DCHS2: variants seen among roughly 807,000 people sequenced by gnomAD.
DCHS2 encodes the protein dachsous cadherin-related 2.
DCHS2 carries 142 observed loss-of-function variants against 182.4 expected under a neutral mutation model. The observed-to-expected ratio is 0.78, with a 90% CI of 0.68 to 0.89. DCHS2 has a LOEUF of 0.89. DCHS2 is among the 40% of genes least tolerant of loss of function. The pLI is 0.00. For missense variants in DCHS2, 4,319 were observed against 4,198.6 expected, an observed-to-expected ratio of 1.03 and a Z score of -0.79; for synonymous variants, 1,740 against 1,663.3, an observed-to-expected ratio of 1.05 and a Z score of -1.12.
At chr4:154,420,462 A>C (rs370749055) in intron 1 of DCHS2, among the ~76,000 whole-genome samples, 47 of 152,154 alleles carry the variant, frequency 3.1e-4, no homozygotes, top group African/African-American at 1.1e-3. Context: ...CAAAACCCTG[A>C]GAACCAGAGA....
Position 154,298,689 on chromosome 4 carries a change from G to A in DCHS2, c.5625C>T (p.Cys1875=), listed in dbSNP as rs769565276. The A allele has an allele frequency of 1.9e-5, 30 of 1,583,086 alleles. No homozygotes were observed. In the South Asian group the frequency reaches 3.1e-4, roughly 17 times the overall value. Residue 1875 remains cysteine (C), a synonymous_variant, in exon 13 of 20, where the codon TGC becomes TGT. Coordinates refer to ENST00000357232, the MANE Select transcript of DCHS2 (RefSeq NM_001358235.2). The part of the protein sequence containing the change: ...YHIIDGNTDE[C]FTINEMSGEL... ...CTCCTGACATCTCATTTATAGTAAA[G>A]CACTCATCAGTATTTCCATCTATTA...
intron 1 of DCHS2, among the ~76,000 whole-genome samples, chr4:154,430,499 G>A (rs964545968): frequency 6.6e-6 from 1 of 152,160 alleles, no homozygotes; most frequent in Admixed American, 6.5e-5. Context: ...GACCCCACAG[G>A]ATCCTCCCTG....
intron 1 of DCHS2, among the ~76,000 whole-genome samples, chr4:154,464,044 T>C (rs770308473): frequency 1.3e-5 from 2 of 152,168 alleles, no homozygotes; most frequent in Non-Finnish European, 2.9e-5. Context: ...TGGAAAATGA[T>C]TGAACGTCAG....
chr4:154,309,294 A>G (rs1735581235), intron 10 of DCHS2, among the ~76,000 whole-genome samples: 1 of 152,174 alleles, frequency 6.6e-6, no homozygotes, highest in African/African-American at 2.4e-5. Flanking sequence ...CCCATTGCCA[A>G]CTACCTCTCT....
chr4:154,429,177 A>G lies in DCHS2; in HGVS notation c.2053-51733T>C, dbSNP rs556878515. Among the ~76,000 whole-genome samples the G allele has an allele frequency of 5.3e-5, 8 of 152,226 alleles. No homozygotes were observed. In the East Asian group the frequency reaches 9.7e-4, roughly 18 times the overall value. ...TCTGGCTTATGCATACAGCTCTCCT[A>G]TTTGCTGGCATAGAATGTGAGTGCC... On this transcript the variant is annotated intron_variant, in intron 1 of 19. Transcript: ENST00000357232.
chr4:154,402,625 C>A (rs1732236646), intron 1 of DCHS2, among the ~76,000 whole-genome samples: 1 of 152,268 alleles, frequency 6.6e-6, no homozygotes, highest in African/African-American at 2.4e-5. Context: ...GAATGAGGAG[C>A]AAAGTCCCAT....
At chr4:154,359,564 A>C (rs141360089) in intron 3 of DCHS2, among the ~76,000 whole-genome samples, 1 of 151,964 alleles carries the variant, frequency 6.6e-6, no homozygotes, top group Non-Finnish European at 1.5e-5. Flanking sequence ...ACAGATACAA[A>C]CCAAAAGCTA....
chr4:154,253,628 T>TAAAC (rs1221018906), intron 16 of DCHS2, among the ~76,000 whole-genome samples: 1 of 152,198 alleles, frequency 6.6e-6, no homozygotes, highest in Non-Finnish European at 1.5e-5. Flanking sequence ...TTAATATATC[T>TAAAC]AAACAATAAG....
chr4:154,441,734 T>TG (rs34357200), intron 1 of DCHS2, among the ~76,000 whole-genome samples: 69,757 of 151,066 alleles, frequency 0.46, 16,531 homozygotes, highest in Middle Eastern at 0.69. Context: ...TTTATTAGGC[T>TG]TTTTTTTTAA....
At chr4:154,363,650 G>C (rs1162470614) in intron 3 of DCHS2, among the ~76,000 whole-genome samples, 1 of 152,132 alleles carries the variant, frequency 6.6e-6, no homozygotes, top group Non-Finnish European at 1.5e-5. Context: ...TAATAATAAT[G>C]TATTAATAAT....
chr4:154,318,507 A>G (rs1735940181), intron 9 of DCHS2, among the ~76,000 whole-genome samples: 1 of 152,070 alleles, frequency 6.6e-6, no homozygotes, highest in South Asian at 2.1e-4. Flanking sequence ...TAGAACAAAT[A>G]AATTCAGAAA....
At chr4:154,258,272 G>T (rs1732798920) in intron 15 of DCHS2, among the ~76,000 whole-genome samples, 1 of 150,054 alleles carries the variant, frequency 6.7e-6, no homozygotes, top group African/African-American at 2.4e-5. Flanking sequence ...GGGGCACAGA[G>T]CTAAAACTCC....
chr4:154,477,526 G>A lies in DCHS2; in HGVS notation c.2052+11778C>T, dbSNP rs189172250. 1.4e-4 allele frequency among the ~76,000 whole-genome samples: 21 copies of A among 152,330 alleles called. No individual in the cohort carries two copies. In the East Asian group the frequency reaches 2.7e-3, roughly 20 times the overall value. ...GAGAGGCAGGCAGAATGGATTAGAT[G>A]TGAACTTGATCTTACAAGCAGTGCA... On this transcript the variant is annotated intron_variant, in intron 1 of 19. Transcript: ENST00000357232.
intron 13 of DCHS2, among the ~76,000 whole-genome samples, chr4:154,283,933 A>G (rs978397421): frequency 3.3e-5 from 5 of 152,308 alleles, no homozygotes; most frequent in Admixed American, 3.3e-4. Context: ...AGATCAAGCT[A>G]GAATCCAGAG....
chr4:154,284,938 G>A (rs1734321905), intron 13 of DCHS2, among the ~76,000 whole-genome samples: 1 of 152,048 alleles, frequency 6.6e-6, no homozygotes, highest in African/African-American at 2.4e-5. Flanking sequence ...CTAACCCCAG[G>A]CAGCACAGCT....
At chr4:154,336,540 G>A (rs1219645798) in intron 3 of DCHS2, among the ~76,000 whole-genome samples, 1 of 151,992 alleles carries the variant, frequency 6.6e-6, no homozygotes, top group African/African-American at 2.4e-5. Context: ...AAAACATCAG[G>A]GATATCAGTT....
At chr4:154,475,526 A>G (rs1352745387) in intron 1 of DCHS2, among the ~76,000 whole-genome samples, 2 of 152,158 alleles carry the variant, frequency 1.3e-5, no homozygotes, top group African/African-American at 4.8e-5. Context: ...ATTAGGATGT[A>G]TTATTTATGA....
At chr4:154,292,059 A>G (rs960297032) in intron 13 of DCHS2, among the ~76,000 whole-genome samples, 1 of 152,132 alleles carries the variant, frequency 6.6e-6, no homozygotes, top group African/African-American at 2.4e-5. Flanking sequence ...TATTTCACAT[A>G]ACCCATAAAT....
intron 16 of DCHS2, among the ~76,000 whole-genome samples, chr4:154,246,348 C>A (rs532934593): frequency 2.6e-5 from 4 of 152,054 alleles, no homozygotes; most frequent in Admixed American, 6.6e-5. Flanking sequence ...AACTGAAAGT[C>A]CCCTCCCAAA....
Sources: gnomAD v4.1 joint callset for allele counts (sites outside exome capture counted in the v4.1 genomes callset) on GRCh38, gnomAD v4.1.1 for gene constraint, MANE v1.5 for transcripts, NCBI Gene and HGNC (gene_info 2026-07-23, HGNC 2026-07-21) for gene names.